Variants in HMGCLL1 observed in about 807,000 individuals in gnomAD.
HMGCLL1 encodes the protein 3-hydroxy-3-methylglutaryl-CoA lyase like 1.
HMGCLL1 carries 36 observed loss-of-function variants against 39.1 expected under a neutral mutation model. The observed-to-expected ratio is 0.92, with a 90% CI of 0.71 to 1.22. The LOEUF (loss-of-function observed/expected upper bound fraction) is 1.22. HMGCLL1 is among the 50% of genes most tolerant of loss of function. The probability of loss-of-function intolerance (pLI) is 0.00; values close to 1 mark genes in which losing one functional copy is unlikely to be tolerated. For synonymous variants in HMGCLL1, 149 were observed against 144.0 expected (o/e 1.03, Z -0.25); for missense variants, 451 against 416.5 (o/e 1.08, Z -0.72).
the HMGCLL1 span, among the ~76,000 whole-genome samples, chr6:55,599,330 A>G: frequency 4.9e-3 from 748 of 152,328 alleles, 8 homozygotes; most frequent in African/African-American, 0.017. Context: ...TTGTTAATTC[A>G]ATGTTGAAAA....
At chr6:55,478,289 G>C (rs144005648) in intron 7 of HMGCLL1, among the ~76,000 whole-genome samples, 5 of 151,276 alleles carry the variant, frequency 3.3e-5, no homozygotes, top group Admixed American at 6.6e-5. Context: ...ACTGTGAAAT[G>C]GCTCATGAAG....
chr6:55,571,156 T>A (rs1298354929), intron 1 of HMGCLL1, among the ~76,000 whole-genome samples: 1 of 152,232 alleles, frequency 6.6e-6, no homozygotes, highest in Non-Finnish European at 1.5e-5. Flanking sequence ...CCTATCCTTT[T>A]AAGTTTCTAA....
In HMGCLL1 at chr6:55,514,118, T is replaced by G. The variant is rs746593770; in HGVS notation, c.472A>C (p.Ile158Leu). The G allele has an allele frequency of 6.2e-7, 1 of 1,613,018 alleles. No homozygotes were observed. Among genetic ancestry groups the G allele is most frequent in the Non-Finnish European group, 8.5e-7 (1 of 1,179,366 alleles). ...TCAAATTTTCCCATACTTTCTTCAA[T>G]GGAACAGTTAATATTCTTCTTGCTA... ...SFSKKNINCS[I>L]EESMGKFEEV... The change falls in exon 5 of 9, where the codon ATT becomes CTT. Residue 158 changes from isoleucine (I) to leucine (L), a missense_variant. Ile to Leu is a conservative substitution (Grantham distance 5). Coordinates refer to ENST00000274901, the MANE Select transcript of HMGCLL1 (RefSeq NM_001042406.2).
At chr6:55,566,552 T>C (rs780604405) in intron 1 of HMGCLL1, 4 of 454,280 alleles carry the variant, frequency 8.8e-6, no homozygotes, top group South Asian at 1.6e-5. Flanking sequence ...CCGGAGACCA[T>C]AGCTTAGACA....
At chr6:55,670,150 A>G in the HMGCLL1 span, among the ~76,000 whole-genome samples, 1 of 151,832 alleles carries the variant, frequency 6.6e-6, no homozygotes, top group African/African-American at 2.4e-5. Context: ...GTGAATGACT[A>G]TGGAGTTCTT....
At chr6:55,437,761 G>A (rs1035564803) in intron 8 of HMGCLL1, among the ~76,000 whole-genome samples, 4 of 152,026 alleles carry the variant, frequency 2.6e-5, no homozygotes, top group African/African-American at 9.7e-5. Flanking sequence ...ATGGAAGATA[G>A]ATTTTAAAGG....
At chr6:55,455,284 TTTATC>T (rs1764275551) in intron 7 of HMGCLL1, among the ~76,000 whole-genome samples, 1 of 152,090 alleles carries the variant, frequency 6.6e-6, no homozygotes, top group African/African-American at 2.4e-5. Flanking sequence ...TAACAAGATA[TTTATC>T]TTAACAATGG....
chr6:55,500,539 T>C (rs185606063), intron 5 of HMGCLL1, among the ~76,000 whole-genome samples: 64 of 152,114 alleles, frequency 4.2e-4, no homozygotes, highest in African/African-American at 1.5e-3. Flanking sequence ...ATAGAAGTGT[T>C]AAAATGTCAA....
At chr6:55,529,970 G>A (rs1451432340) in intron 3 of HMGCLL1, among the ~76,000 whole-genome samples, 1 of 151,496 alleles carries the variant, frequency 6.6e-6, no homozygotes, top group East Asian at 1.9e-4. Flanking sequence ...GTAAGAGTCA[G>A]GTCTCAGATT....
chr6:55,650,136 C>T, the HMGCLL1 span, among the ~76,000 whole-genome samples: 6,787 of 41,648 alleles, frequency 0.16, 568 homozygotes, highest in African/African-American at 0.28. Context: ...TATATATATA[C>T]ACACACACAC....
intron 3 of HMGCLL1, among the ~76,000 whole-genome samples, chr6:55,520,697 AT>A (rs1306061030): frequency 6.6e-6 from 1 of 152,070 alleles, no homozygotes; most frequent in African/African-American, 2.4e-5. Context: ...ATTCATTTAC[AT>A]TACTGTTTTG....
intron 8 of HMGCLL1, 136 bp downstream of exon 8, chr6:55,439,298 T>G: frequency 1.3e-6 from 1 of 781,246 alleles, no homozygotes; most frequent in Admixed American, 2.7e-5. Context: ...TTATTGCATT[T>G]TCCCACTGTG....
At chr6:55,638,825 T>C in the HMGCLL1 span, among the ~76,000 whole-genome samples, 1 of 152,138 alleles carries the variant, frequency 6.6e-6, no homozygotes, top group Non-Finnish European at 1.5e-5. Flanking sequence ...TTAAATAGTT[T>C]AGGGAATTAA....
chr6:55,587,468 A>C, the HMGCLL1 span, among the ~76,000 whole-genome samples: 4 of 152,172 alleles, frequency 2.6e-5, no homozygotes, highest in African/African-American at 9.7e-5. Flanking sequence ...TGTAAAGATC[A>C]TCGAGGCTAG....
chr6:55,447,474 T>C (rs1045919274), intron 7 of HMGCLL1, among the ~76,000 whole-genome samples: 3 of 152,050 alleles, frequency 2.0e-5, no homozygotes, highest in African/African-American at 7.2e-5. Flanking sequence ...AAAACTAGTA[T>C]TCCTAAATGC....
chr6:55,595,920 A>C, the HMGCLL1 span, among the ~76,000 whole-genome samples: 1 of 152,214 alleles, frequency 6.6e-6, no homozygotes, highest in Admixed American at 6.5e-5. Context: ...TGATTTTAGA[A>C]ATTTTGGAGC....
chr6:55,500,077 A>G (rs758128291), intron 5 of HMGCLL1, among the ~76,000 whole-genome samples: 1 of 152,086 alleles, frequency 6.6e-6, no homozygotes, highest in Non-Finnish European at 1.5e-5. Context: ...TATTGAAATA[A>G]TGCATAACGA....
chr6:55,577,145 T>G lies in HMGCLL1; in HGVS notation c.108+1803A>C, dbSNP rs779675498. 12 of 1,601,582 alleles carry G rather than the reference T, an allele frequency of 7.5e-6. No individual in the cohort carries two copies. The East Asian group carries it at 2.7e-4, about 36-fold the overall frequency. On this transcript the variant is annotated intron_variant, in intron 1 of 8. Coordinates refer to ENST00000274901, the MANE Select transcript of HMGCLL1 (RefSeq NM_001042406.2). Reference sequence around the variant, plus strand: ...GCCAGAGACATCGGGCTGAAAGCAGTGAAGGTTTGTTAGAAGAGAAGTCTA... The same window carrying G: ...GCCAGAGACATCGGGCTGAAAGCAGGGAAGGTTTGTTAGAAGAGAAGTCTA...
At chr6:55,528,268 C>G (rs151156390) in intron 3 of HMGCLL1, among the ~76,000 whole-genome samples, 2 of 152,096 alleles carry the variant, frequency 1.3e-5, no homozygotes, top group East Asian at 3.9e-4. Flanking sequence ...ATAGAGCATG[C>G]AATTTCTTCA....
Sources: allele counts gnomAD v4.1 joint callset (sites outside exome capture counted in the v4.1 genomes callset), GRCh38; gene constraint gnomAD v4.1.1; transcripts MANE v1.5; gene names NCBI Gene and HGNC (gene_info 2026-07-23, HGNC 2026-07-21).